Variants in PHF13 observed in about 807,000 individuals in gnomAD.
PHF13 encodes PHD zinc finger protein PHF5.
Under a neutral mutation model 25.8 loss-of-function variants are expected in PHF13, and 1 was observed. The observed-to-expected ratio is 0.04, with a 90% CI of 0.01 to 0.18. The LOEUF (loss-of-function observed/expected upper bound fraction) is 0.18, where lower values mean the gene tolerates loss of function less well. Among genes scored for constraint, PHF13 ranks in the 10% least tolerant of loss-of-function variants. The probability of loss-of-function intolerance (pLI) is 1.00; values close to 1 mark genes in which losing one functional copy is unlikely to be tolerated. For synonymous variants in PHF13, 195 were observed against 162.4 expected, an observed-to-expected ratio of 1.20 and a Z score of -1.53; for missense variants, 306 against 403.2, an observed-to-expected ratio of 0.76 and a Z score of 2.06.
chr1:6,617,794 G>A (rs1641283482), intron 2 of PHF13, among the ~76,000 whole-genome samples: 1 of 152,160 alleles, frequency 6.6e-6, no homozygotes, highest in East Asian at 1.9e-4. Context: ...ACTATTCTTG[G>A]CCTATGTAAT....
At position 6,621,130 on chromosome 1, in the gene PHF13, T is replaced by C. The variant is rs1290937368; in HGVS notation, c.677-281T>C. On this transcript the variant is annotated intron_variant, in intron 3 of 3. Transcript: ENST00000377648. This position sits in a 1 kb window ranked among gnomAD's most constrained non-coding sequence, Gnocchi z 4.8. ...GGAGGATGGCTTGACTGCAGGAGTTTGAGGCTGCAGTGAGGTATGATTGCA... is the reference window on the plus strand; with the variant it reads ...GGAGGATGGCTTGACTGCAGGAGTTCGAGGCTGCAGTGAGGTATGATTGCA... 6.6e-6 allele frequency among the ~76,000 whole-genome samples: 1 copy of C among 151,386 alleles called. No individual in the cohort carries two copies. Among genetic ancestry groups the C allele is most frequent in the Admixed American group, 6.6e-5 (1 of 15,206 alleles).
Position 6,619,792 on chromosome 1 carries a change from T to C in PHF13, c.142-11T>C, listed in dbSNP as rs1641310984. The C allele has an allele frequency of 6.3e-7, 1 of 1,577,148 alleles. No homozygotes were observed. The highest frequency in any genetic ancestry group is 1.4e-5 in the African/African-American group (1 of 73,730). ...ACCAGTAACTGGAATCTGCCACCTT[T>C]GTCTTTTTAGGAACTCCCTTTAAGG... is the stretch of plus-strand genomic sequence containing the variant. On this transcript the variant is annotated splice_polypyrimidine_tract_variant and intron_variant, in intron 2 of 3. Transcript: ENST00000377648.
Position 6,616,381 on chromosome 1 carries a change from C to T in PHF13, c.40-376C>T, listed in dbSNP as rs1487643119. Among the ~76,000 whole-genome samples the T allele has an allele frequency of 2.0e-5, 3 of 152,158 alleles. No individual in the cohort carries two copies. The East Asian group carries it at 5.8e-4, about 29-fold the overall frequency. ...ACATCAGTTCCAGCTGCTGCTGCAG[C>T]AGTTCATACTCAGAATGGAAAATCT... is the stretch of plus-strand genomic sequence containing the variant. On this transcript the variant is annotated intron_variant, in intron 1 of 3. Transcript: ENST00000377648.
Position 6,621,808 on chromosome 1 carries a change from TGACCGAATGC to T in PHF13, c.*176_*185del. On this transcript the variant is annotated 3_prime_UTR_variant, in exon 4 of 4. Coordinates refer to ENST00000377648, the MANE Select transcript of PHF13 (RefSeq NM_153812.3). This position sits in a 1 kb window ranked among gnomAD's most constrained non-coding sequence, Gnocchi z 4.8. ...CAAGGTAGAAACTGTACATAGCCGG[TGACCGAATGC>T]GACCTTTGCCAGCCAGAGCTGCTGC... 1.5e-6 allele frequency: 1 copy of T among 688,902 alleles called. No homozygotes were observed. The highest frequency in any genetic ancestry group is 2.4e-6 in the Non-Finnish European group (1 of 410,558). 42.7% of individuals were successfully genotyped at this position (688,902 alleles called of 1,614,324 possible).
chr1:6,615,605 G>A (rs1641249019), intron 1 of PHF13, among the ~76,000 whole-genome samples: 1 of 152,164 alleles, frequency 6.6e-6, no homozygotes, highest in Admixed American at 6.5e-5. Context: ...ACAGCACCTC[G>A]GGAAGGATGG....
chr1:6,615,489 A>G (rs1641247289), intron 1 of PHF13, among the ~76,000 whole-genome samples: 1 of 151,990 alleles, frequency 6.6e-6, no homozygotes, highest in Non-Finnish European at 1.5e-5. Flanking sequence ...TTCTCGAAAG[A>G]AAACCCGCGG....
chr1:6,619,597 CCA>C (rs773312610), intron 2 of PHF13, among the ~76,000 whole-genome samples: 4 of 152,164 alleles, frequency 2.6e-5, no homozygotes, highest in Non-Finnish European at 5.9e-5. Context: ...CCTTGGCGTC[CCA>C]GAGTGCTGGG....
chr1:6,620,067 A>AG lies in PHF13; in HGVS notation c.413dup (p.Leu140AlafsTer7), dbSNP rs759806443. The AG allele has an allele frequency of 3.1e-6, 5 of 1,613,368 alleles. No individual in the cohort carries two copies. On this transcript the variant is annotated frameshift_variant, in exon 3 of 4. Transcript: ENST00000377648. LOFTEE classifies it high-confidence loss of function. ...TGATGCGCCTGGGAAAGAGGGGTAC[A>AG]GGGGGGGCTTGCTGAAGCTGGAAGC... is the stretch of plus-strand genomic sequence containing the variant.
Position 6,620,032 on chromosome 1 carries a change from G to A in PHF13, c.371G>A (p.Arg124His), listed in dbSNP as rs1382782968. 7.4e-6 allele frequency: 12 copies of A among 1,613,606 alleles called. No individual in the cohort carries two copies. In the Admixed American group the frequency reaches 8.3e-5, roughly 11 times the overall value. ...DKLKKKKKRK[R>H]RDSDAPGKEG... ...CTGAAGAAGAAGAAGAAGAGGAAGC[G>A]CAGGGACAGTGATGCGCCTGGGAAA... The change falls in exon 3 of 4, where the codon CGC becomes CAC. Residue 124 changes from arginine to histidine, a missense_variant. Arg to His is a conservative substitution (Grantham distance 29). Around this residue, in one of 5 missense-constraint regions of PHF13, gnomAD observed 186 missense variants for 164.0 expected, o/e 1.13. Coordinates refer to ENST00000377648, the MANE Select transcript of PHF13 (RefSeq NM_153812.3).
rs1037458155 is a variant in PHF13, at chr1:6,623,935, G to T, written c.*2298G>T. On this transcript the variant is annotated 3_prime_UTR_variant, in exon 4 of 4. Coordinates refer to ENST00000377648, the MANE Select transcript of PHF13 (RefSeq NM_153812.3). ...ATTTTAAAGTTTATGTGTATAAAGC[G>T]AAGCTGTTTCTGTGAAACTGTATAT... The T allele has an allele frequency of 6.6e-6, 1 of 152,646 alleles. No homozygotes were observed. The highest frequency in any genetic ancestry group is 1.5e-5 in the Non-Finnish European group (1 of 68,044). The allele number at this position is 152,646 out of a possible 1,614,324, so 9.5% of individuals were successfully genotyped here.
rs1641317193 is a variant in PHF13 at position 6,620,137 on chromosome 1, A to G, written c.476A>G (p.Asp159Gly). 4.3e-6 allele frequency: 7 copies of G among 1,613,558 alleles called. No homozygotes were observed. The Admixed American group carries it at 5.0e-5, about 12-fold the overall frequency. ...VETPTSPTLQ[D>G]IPQAPSDPCS... ...ACCCCCACGAGTCCCACCTTGCAGG[A>G]TATCCCCCAGGCTCCCAGCGACCCC... is the stretch of plus-strand genomic sequence containing the variant. Residue 159 changes from aspartate to glycine, a missense_variant, in exon 3 of 4, where the codon GAT (aspartate) becomes GGT (glycine). Around this residue, in one of 5 missense-constraint regions of PHF13, gnomAD observed 186 missense variants for 164.0 expected, o/e 1.13. Transcript: ENST00000377648.
chr1:6,616,936 G>A, intron 2 of PHF13, 78 bp downstream of exon 2: 2 of 1,267,384 alleles, frequency 1.6e-6, no homozygotes, highest in Non-Finnish European at 2.3e-6. Context: ...GTGGGCTTCT[G>A]ACTGGTCAGA....
In PHF13 at chr1:6,613,923, GC is replaced by G. The variant is rs775587250; in HGVS notation, c.-138del. ...CAGAGCTTGAGAAGCGACGCGCTGA[GC>G]CCCCCATCACCTCCAGCCCGGGCGA... is the stretch of plus-strand genomic sequence containing the variant. On this transcript the variant is annotated 5_prime_UTR_variant, in exon 1 of 4. Coordinates refer to ENST00000377648, the MANE Select transcript of PHF13 (RefSeq NM_153812.3). 3 of 554,260 alleles carry G rather than the reference GC, an allele frequency of 5.4e-6. No individual in the cohort carries two copies. Among genetic ancestry groups the G allele is most frequent in the Non-Finnish European group, 9.4e-6 (3 of 319,412 alleles). The allele number at this position is 554,260 out of a possible 1,614,324, so 34.3% of individuals were successfully genotyped here.
intron 2 of PHF13, among the ~76,000 whole-genome samples, chr1:6,618,893 C>G (rs529934897): frequency 1.4e-4 from 22 of 151,972 alleles, no homozygotes; most frequent in African/African-American, 5.3e-4. Context: ...GTGATCTACC[C>G]GCCTCAGCCT....
At chr1:6,614,261 C>T (rs1036129224) in intron 1 of PHF13, among the ~76,000 whole-genome samples, 156 bp downstream of exon 1, 5 of 148,702 alleles carry the variant, frequency 3.4e-5, no homozygotes, top group African/African-American at 5.0e-5. Flanking sequence ...CCGCCCCCTG[C>T]TCGGGCCCGC....
At chr1:6,616,899 C>A in intron 2 of PHF13, 41 bp downstream of exon 2, 1 of 1,558,364 alleles carries the variant, frequency 6.4e-7, no homozygotes. Context: ...GATGAGTAGT[C>A]AAACCCAGTG....
rs894774460 is a variant in PHF13 at position 6,613,771 on chromosome 1, C to A, written c.-296C>A. On this transcript the variant is annotated 5_prime_UTR_variant, in exon 1 of 4. Transcript: ENST00000377648. ...ACACGAGCCGAACTGGGCGTCAGGT[C>A]GGGGAGCCGGTCGGGTTCCCGCTCA... 4.8e-6 allele frequency: 1 copy of A among 209,512 alleles called. No homozygotes were observed. The highest frequency in any genetic ancestry group is 4.5e-5 in the South Asian group (1 of 22,004). 13.0% of individuals were successfully genotyped at this position (209,512 alleles called of 1,614,324 possible).
chr1:6,616,112 C>T (rs1641256920), intron 1 of PHF13, among the ~76,000 whole-genome samples: 1 of 145,420 alleles, frequency 6.9e-6, no homozygotes, highest in African/African-American at 2.5e-5. Flanking sequence ...TCACTGTAAC[C>T]TCCGCCTCCG....
Position 6,620,356 on chromosome 1 carries a change from A to G in PHF13, c.676+19A>G, listed in dbSNP as rs761418709. ...GACTCAGGTGAGTGGTCCCTGAAGGATGATGACCCTTGTTGGCTTGTGGTT... is the reference window on the plus strand; with the variant it reads ...GACTCAGGTGAGTGGTCCCTGAAGGGTGATGACCCTTGTTGGCTTGTGGTT... On this transcript the variant is annotated intron_variant, in intron 3 of 3. Transcript: ENST00000377648. 2 of 1,602,096 alleles carry G rather than the reference A, an allele frequency of 1.2e-6. No homozygotes were observed. Among genetic ancestry groups the G allele is most frequent in the Non-Finnish European group, 1.7e-6 (2 of 1,172,618 alleles).
Sources: allele counts gnomAD v4.1 joint callset (sites outside exome capture counted in the v4.1 genomes callset), GRCh38; gene constraint gnomAD v4.1.1; regional missense constraint gnomAD v4.1.1; non-coding constraint Gnocchi (gnomAD v3.1); transcripts MANE v1.5; gene names NCBI Gene and HGNC (gene_info 2026-07-23, HGNC 2026-07-21).